The following SLIT3 variants were observed in gnomAD, a reference collection of about 807,000 sequenced individuals.
The protein encoded by SLIT3 is slit guidance ligand 3.
A neutral mutation model predicts 184.0 loss-of-function variants in SLIT3; 68 were observed. The ratio of observed to expected loss-of-function variants is 0.37; its 90% CI spans 0.30 to 0.45. The LOEUF is 0.45. SLIT3 is among the 20% of genes least tolerant of loss of function. The pLI, the probability that SLIT3 is intolerant of heterozygous loss-of-function variation, is 1.00. For synonymous variants in SLIT3, 831 were observed against 828.6 expected, an observed-to-expected ratio of 1.00 and a Z score of -0.05; for missense variants, 1,707 against 2,026.0, an observed-to-expected ratio of 0.84 and a Z score of 3.02.
In SLIT3 at chr5:168,722,915, G is replaced by A. The variant is rs1266787337; in HGVS notation, c.2411+18C>T. On this transcript the variant is annotated intron_variant, in intron 22 of 35. Transcript: ENST00000519560. ...TAGGCCCAAGGGCATGGTAAACACA[G>A]CATCTCAGTGTACTCACAGAGTGGA... 2 of 1,590,812 alleles carry A rather than the reference G, an allele frequency of 1.3e-6. No homozygotes were observed. The highest frequency in any genetic ancestry group is 1.1e-5 in the South Asian group (1 of 90,610).
chr5:168,937,008 A>T (rs1034785762), intron 4 of SLIT3, among the ~76,000 whole-genome samples: 2 of 152,124 alleles, frequency 1.3e-5, no homozygotes, highest in African/African-American at 4.8e-5. Flanking sequence ...CACACAAGGC[A>T]GTGTATATGG....
chr5:169,191,882 C>T (rs985452460), intron 4 of SLIT3, among the ~76,000 whole-genome samples: 6 of 152,210 alleles, frequency 3.9e-5, no homozygotes, highest in African/African-American at 1.2e-4. Context: ...TCAGACCCCA[C>T]CCACATAAAG....
chr5:168,715,456 G>C (rs956492451), intron 23 of SLIT3, among the ~76,000 whole-genome samples: 4 of 152,160 alleles, frequency 2.6e-5, no homozygotes, highest in African/African-American at 9.7e-5. Flanking sequence ...ATTGGTGTGA[G>C]GTTGAGCATG....
intron 12 of SLIT3, 24 bp from the exon 13 acceptor site, chr5:168,774,402 T>C (rs764689751): frequency 3.1e-6 from 5 of 1,597,330 alleles, no homozygotes; most frequent in Non-Finnish European, 4.3e-6. Flanking sequence ...AGAGCCTGGT[T>C]GATTCACTAA....
At chr5:169,248,753 T>C (rs1765680145) in intron 2 of SLIT3, among the ~76,000 whole-genome samples, 1 of 152,196 alleles carries the variant, frequency 6.6e-6, no homozygotes, top group Non-Finnish European at 1.5e-5. Context: ...ATTGTGAGCA[T>C]AGCAGAGCCC....
intron 4 of SLIT3, among the ~76,000 whole-genome samples, chr5:168,969,470 A>G (rs1326749999): frequency 2.0e-5 from 3 of 152,210 alleles, no homozygotes; most frequent in Admixed American, 1.3e-4. Flanking sequence ...GTTGACATCT[A>G]CATTACCCCA....
chr5:169,218,942 T>C (rs544643037), intron 3 of SLIT3, among the ~76,000 whole-genome samples: 12 of 152,160 alleles, frequency 7.9e-5, no homozygotes, highest in Non-Finnish European at 1.6e-4. Context: ...CACTGAAATG[T>C]TGGGAGGCTC....
intron 3 of SLIT3, among the ~76,000 whole-genome samples, chr5:169,210,250 T>C (rs548585784): frequency 6.6e-6 from 1 of 152,270 alleles, no homozygotes; most frequent in Non-Finnish European, 1.5e-5. Context: ...TGGGGCCTTG[T>C]GGGAAGCCAG....
At chr5:169,123,914 G>A (rs955415979) in intron 4 of SLIT3, among the ~76,000 whole-genome samples, 1 of 152,126 alleles carries the variant, frequency 6.6e-6, no homozygotes, top group African/African-American at 2.4e-5. Flanking sequence ...TTATGAGAAA[G>A]TTAGCCAAAG....
chr5:168,748,482 C>T (rs774182365), intron 19 of SLIT3, 48 bp from the exon 20 acceptor site: 3 of 1,488,548 alleles, frequency 2.0e-6, no homozygotes, highest in African/African-American at 3.0e-5. Context: ...ATAAGCCCCA[C>T]TAGGGGGAGC....
intron 7 of SLIT3, among the ~76,000 whole-genome samples, chr5:168,821,701 G>A (rs1757539688): frequency 6.6e-6 from 1 of 152,202 alleles, no homozygotes; most frequent in Non-Finnish European, 1.5e-5. Flanking sequence ...TATTTGTTGT[G>A]TGCACACCAT....
intron 6 of SLIT3, among the ~76,000 whole-genome samples, chr5:168,833,222 G>C (rs1757934746): frequency 6.6e-6 from 1 of 152,148 alleles, no homozygotes; most frequent in Non-Finnish European, 1.5e-5. Context: ...CACTTTTTGT[G>C]GACAGTCGAA....
At chr5:168,826,828 C>T (rs1757722078) in intron 6 of SLIT3, among the ~76,000 whole-genome samples, 1 of 151,320 alleles carries the variant, frequency 6.6e-6, no homozygotes, top group African/African-American at 2.4e-5. Context: ...GTGGTGTGAT[C>T]TCGGCTCACT....
chr5:168,904,749 G>C (rs1341882414), intron 4 of SLIT3, among the ~76,000 whole-genome samples: 1 of 152,156 alleles, frequency 6.6e-6, no homozygotes. Flanking sequence ...TCAGGCCTCT[G>C]GTCTCTGGGG....
chr5:169,137,926 C>T (rs1761583150), intron 4 of SLIT3, among the ~76,000 whole-genome samples: 1 of 152,132 alleles, frequency 6.6e-6, no homozygotes, highest in Admixed American at 6.5e-5. Flanking sequence ...TCTCACCTCT[C>T]TCTCATTTAC....
At chr5:168,754,430 A>G (rs1344777421) in intron 16 of SLIT3, among the ~76,000 whole-genome samples, 1 of 152,198 alleles carries the variant, frequency 6.6e-6, no homozygotes, top group Non-Finnish European at 1.5e-5. Flanking sequence ...TGTGGGAGCT[A>G]AAAAAGTTGA....
chr5:169,011,623 C>A (rs951512737), intron 4 of SLIT3, among the ~76,000 whole-genome samples: 1 of 152,106 alleles, frequency 6.6e-6, no homozygotes, highest in African/African-American at 2.4e-5. Context: ...CAGTCATTTG[C>A]TGGGGGAGAG....
intron 32 of SLIT3, among the ~76,000 whole-genome samples, chr5:168,674,489 CTTT>C (rs141548947): frequency 5.0e-5 from 6 of 119,918 alleles, no homozygotes; most frequent in Admixed American, 9.6e-5. Context: ...GGGATATTCA[CTTT>C]TTTTTTTTTT....
At chr5:168,867,811 T>G (rs1454044010) in intron 5 of SLIT3, among the ~76,000 whole-genome samples, 11 of 150,208 alleles carry the variant, frequency 7.3e-5, no homozygotes, top group Non-Finnish European at 8.9e-5. Context: ...GCATCAAGAC[T>G]TGCTAACATA....
Sources: gnomAD v4.1 joint callset for allele counts (sites outside exome capture counted in the v4.1 genomes callset) on GRCh38, gnomAD v4.1.1 for gene constraint, MANE v1.5 for transcripts, NCBI Gene and HGNC (gene_info 2026-07-23, HGNC 2026-07-21) for gene names.